Variants in ITSN2 observed in about 807,000 individuals in gnomAD.
ITSN2 encodes intersectin 2, also known as intersectin-2.
In ITSN2, 156 loss-of-function variants were observed where a neutral mutation model predicts 243.7. The observed-to-expected ratio is 0.64, with a 90% CI of 0.56 to 0.73. The LOEUF is 0.73. Ranked by LOEUF, ITSN2 falls within the 30% of genes least tolerant of loss-of-function variation. The probability of loss-of-function intolerance (pLI) is 0.00; values close to 1 mark genes in which losing one functional copy is unlikely to be tolerated. For missense variants in ITSN2, 1,801 were observed against 1,996.1 expected (o/e 0.90, Z 1.86); for synonymous variants, 703 against 699.9 (o/e 1.00, Z -0.07).
chr2:24,205,225 C>A lies in ITSN2; in HGVS notation c.4751G>T (p.Cys1584Phe), dbSNP rs764917726. 101 of 1,613,622 alleles carry A rather than the reference C, an allele frequency of 6.3e-5. No homozygotes were observed. The highest frequency in any genetic ancestry group is 8.1e-5 in the Non-Finnish European group (95 of 1,179,722). Residue 1584 changes from cysteine to phenylalanine, a missense_variant, in exon 38 of 40, where the codon TGC (cysteine) becomes TTC (phenylalanine). Around this residue, in one of 5 missense-constraint regions of ITSN2, gnomAD observed 928 missense variants for 1,065.4 expected, o/e 0.87. Transcript: ENST00000355123. ...AAGGCAGTATTTACCATTTGGTTTG[C>A]AGGCTTTTAATTCTGTAGCTTCAAT... ...HVIEATELKA[C>F]KPNGKSNPYC...
chr2:24,353,214 C>T (rs759181125), intron 1 of ITSN2, among the ~76,000 whole-genome samples: 1 of 151,894 alleles, frequency 6.6e-6, no homozygotes, highest in African/African-American at 2.4e-5. Context: ...AAATAGATAA[C>T]GAAAACACTA....
At chr2:24,315,573 C>T (rs887467141) in intron 2 of ITSN2, among the ~76,000 whole-genome samples, 2 of 152,326 alleles carry the variant, frequency 1.3e-5, no homozygotes, top group African/African-American at 4.8e-5. Flanking sequence ...CTAAGCAGAA[C>T]TATATACTGC....
At chr2:24,208,817 G>A (rs565036790) in intron 36 of ITSN2, among the ~76,000 whole-genome samples, 25 of 152,304 alleles carry the variant, frequency 1.6e-4, no homozygotes, top group Admixed American at 1.6e-3. Flanking sequence ...TGTCGCCTGC[G>A]GGCAGCCCCT....
intron 1 of ITSN2, among the ~76,000 whole-genome samples, chr2:24,336,241 CAAA>C (rs756236002): frequency 5.0e-4 from 24 of 47,954 alleles, no homozygotes; most frequent in Non-Finnish European, 3.9e-4. Flanking sequence ...GACTCTGTCT[CAAA>C]AAAAAAAAAA....
Position 24,308,631 on chromosome 2 carries a change from C to A in ITSN2, c.779G>T (p.Ser260Ile). The change falls in exon 8 of 40, where the codon AGT becomes ATT. Residue 260 changes from serine to isoleucine, a missense_variant. This residue lies in a region of ITSN2 where 787 missense variants were observed against 803.9 expected (regional missense o/e 0.98). Coordinates refer to ENST00000355123, the MANE Select transcript of ITSN2 (RefSeq NM_006277.3). Reference sequence around the variant, plus strand: ...ATGCTGCTTACCTGAGAGATATCCACTCATACTTTTGTCAAGAGTATTAAA... The same window carrying A: ...ATGCTGCTTACCTGAGAGATATCCAATCATACTTTTGTCAAGAGTATTAAA... ...QKFNTLDKSM[S>I]GYLSGFQARN... 6.6e-7 allele frequency: 1 copy of A among 1,510,464 alleles called. No homozygotes were observed. Among genetic ancestry groups the A allele is most frequent in the Non-Finnish European group, 8.9e-7 (1 of 1,124,756 alleles). 93.6% of individuals were successfully genotyped at this position (1,510,464 alleles called of 1,614,324 possible).
chr2:24,349,190 C>A (rs529563315), intron 1 of ITSN2, among the ~76,000 whole-genome samples: 2 of 152,030 alleles, frequency 1.3e-5, no homozygotes, highest in Non-Finnish European at 2.9e-5. Context: ...CAAAATCTAA[C>A]AGGGAAAAAA....
At chr2:24,330,621 G>A in intron 1 of ITSN2, 2 of 778,132 alleles carry the variant, frequency 2.6e-6, no homozygotes, top group East Asian at 5.0e-5. Flanking sequence ...AGAAAATGGA[G>A]ATGCTAAAAC....
At chr2:24,298,356 C>T (rs1435505598) in intron 13 of ITSN2, among the ~76,000 whole-genome samples, 1 of 152,104 alleles carries the variant, frequency 6.6e-6, no homozygotes, top group Non-Finnish European at 1.5e-5. Flanking sequence ...TGGGGTTTCA[C>T]TATATTGGCC....
At chr2:24,265,825 T>C (rs1302557103) in intron 20 of ITSN2, among the ~76,000 whole-genome samples, 6 of 152,236 alleles carry the variant, frequency 3.9e-5, no homozygotes, top group African/African-American at 1.4e-4. Context: ...TCAATGTTTT[T>C]ATTTAAGGTA....
rs1323928417 is a variant in ITSN2, at chr2:24,220,959, G to A, written c.3685C>T (p.Gln1229Ter). The A allele has an allele frequency of 1.3e-6, 2 of 1,599,554 alleles. No homozygotes were observed. Among genetic ancestry groups the A allele is most frequent in the Non-Finnish European group, 8.5e-7 (1 of 1,174,018 alleles). Reference sequence around the variant, plus strand: ...AGCCTCCTCACCTCGACGACGAGCTGAAGGTCAGCCATGTACCGCTCTTCG... The same window carrying A: ...AGCCTCCTCACCTCGACGACGAGCTAAAGGTCAGCCATGTACCGCTCTTCG... The part of the protein sequence containing the change: ...QTEERYMADL[Q>*]LVVEVFQKRM... Residue 1229 changes from glutamine (Q) to a stop codon, truncating the protein, a stop_gained, in exon 30 of 40, where the codon CAG becomes TAG. Coordinates refer to ENST00000355123, the MANE Select transcript of ITSN2 (RefSeq NM_006277.3). LOFTEE classifies it high-confidence loss of function.
At chr2:24,210,731 C>A (rs546191441) in intron 34 of ITSN2, 49 bp downstream of exon 34, 2 of 1,577,862 alleles carry the variant, frequency 1.3e-6, no homozygotes, top group Admixed American at 1.7e-5. Context: ...AGCTGGTTCC[C>A]CACCCAGAGC....
intron 1 of ITSN2, among the ~76,000 whole-genome samples, chr2:24,328,455 T>C (rs1240796456): frequency 6.6e-6 from 1 of 151,998 alleles, no homozygotes; most frequent in Non-Finnish European, 1.5e-5. Context: ...AAGAATAACA[T>C]GGAAATCCAT....
At chr2:24,235,515 G>T (rs1442493860) in intron 29 of ITSN2, among the ~76,000 whole-genome samples, 3 of 152,112 alleles carry the variant, frequency 2.0e-5, no homozygotes, top group Non-Finnish European at 4.4e-5. Flanking sequence ...TGCATCAATT[G>T]TAACAAATGT....
At chr2:24,210,312 A>G in intron 34 of ITSN2, 1 of 420,230 alleles carries the variant, frequency 2.4e-6, no homozygotes, top group Non-Finnish European at 4.3e-6. Flanking sequence ...TCCTTAGGAG[A>G]AAGGAAGATG....
rs761353210 is a variant in ITSN2, at chr2:24,205,295, G to C, written c.4681C>G (p.Arg1561Gly). The change falls in exon 38 of 40, where the codon CGC becomes GGC. Residue 1561 changes from arginine to glycine, a missense_variant and splice_region_variant. Coordinates refer to ENST00000355123, the MANE Select transcript of ITSN2 (RefSeq NM_006277.3). ...CCAATGCCTGAAGTCTTTTGGGAGC[G>C]GGCTACAAAAGAGGAAGACAAGTCT... ...KKKREKAYQA[R>G]SQKTSGIGRL... is the part of the protein sequence containing the mutation. 4 of 1,612,984 alleles carry C rather than the reference G, an allele frequency of 2.5e-6. No homozygotes were observed. The highest frequency in any genetic ancestry group is 3.4e-6 in the Non-Finnish European group (4 of 1,179,106).
chr2:24,352,703 G>A (rs1220094674), intron 1 of ITSN2, among the ~76,000 whole-genome samples: 3 of 152,120 alleles, frequency 2.0e-5, no homozygotes, highest in African/African-American at 7.2e-5. Flanking sequence ...GACAGGAATA[G>A]CAAACTAATA....
chr2:24,281,724 T>C (rs1392609360), intron 17 of ITSN2, among the ~76,000 whole-genome samples: 1 of 152,222 alleles, frequency 6.6e-6, no homozygotes, highest in Non-Finnish European at 1.5e-5. Flanking sequence ...CACTGAGATG[T>C]CTATTTCATG....
intron 9 of ITSN2, among the ~76,000 whole-genome samples, chr2:24,302,974 G>A (rs985250635): frequency 6.6e-6 from 1 of 152,156 alleles, no homozygotes; most frequent in African/African-American, 2.4e-5. Context: ...ATAAAGCAAC[G>A]CATTACCTAT....
chr2:24,261,797 G>T, intron 20 of ITSN2, 55 bp from the exon 21 acceptor site: 1 of 1,317,222 alleles, frequency 7.6e-7, no homozygotes, highest in South Asian at 1.3e-5. Context: ...CATTTACAAT[G>T]GAAAGAGATG....
Sources: allele counts gnomAD v4.1 joint callset (sites outside exome capture counted in the v4.1 genomes callset), GRCh38; gene constraint gnomAD v4.1.1; regional missense constraint gnomAD v4.1.1; transcripts MANE v1.5; gene names NCBI Gene and HGNC (gene_info 2026-07-23, HGNC 2026-07-21).